The following ACLY variants were observed in gnomAD, a reference collection of about 807,000 sequenced individuals.
The protein encoded by ACLY is ATP-citrate synthase.
In ACLY, 41 loss-of-function variants were observed where a neutral mutation model predicts 133.0. That is an observed-to-expected ratio of 0.31 (90% CI 0.24 to 0.40). The LOEUF is 0.40. Ranked by LOEUF, ACLY falls within the 10% of genes least tolerant of loss-of-function variation. The pLI is 1.00. For synonymous variants in ACLY, 495 were observed against 549.3 expected (o/e 0.90, Z 1.38); for missense variants, 1,046 against 1,453.8 (o/e 0.72, Z 4.56).
chr17:41,924,054 C>T (rs1229216554), intron 1 of ACLY, among the ~76,000 whole-genome samples: 4 of 152,332 alleles, frequency 2.6e-5, no homozygotes, highest in African/African-American at 9.6e-5. Flanking sequence ...CATGATCCGC[C>T]TGCCTCGGCA....
intron 20 of ACLY, among the ~76,000 whole-genome samples, chr17:41,880,685 A>AC (rs1555627151): frequency 2.0e-5 from 3 of 151,868 alleles, no homozygotes; most frequent in African/African-American, 7.3e-5. Flanking sequence ...TAACGGTGAA[A>AC]CCCCATCTCT....
At chr17:41,909,149 T>G in intron 5 of ACLY, 81 bp from the exon 6 acceptor site, 4 of 1,060,534 alleles carry the variant, frequency 3.8e-6, no homozygotes, top group Non-Finnish European at 5.8e-6. Context: ...CAGCAATCTC[T>G]CACTGCCACC....
At chr17:41,912,369 A>G (rs782555316) in intron 3 of ACLY, 51 bp downstream of exon 3, 3 of 1,598,630 alleles carry the variant, frequency 1.9e-6, no homozygotes, top group Admixed American at 3.4e-5. Flanking sequence ...GGAGGTGACC[A>G]TATTTGCTTC....
At chr17:41,903,701 A>G (rs529446498) in intron 10 of ACLY, among the ~76,000 whole-genome samples, 2 of 137,378 alleles carry the variant, frequency 1.5e-5, no homozygotes, top group East Asian at 4.7e-4. Context: ...GGTTGCAGTG[A>G]GCCGAGATTG....
intron 1 of ACLY, among the ~76,000 whole-genome samples, chr17:41,928,548 GA>G (rs781920464): frequency 5.7e-4 from 80 of 140,576 alleles, no homozygotes; most frequent in Admixed American, 6.4e-4. Context: ...GTTAATTACT[GA>G]AAAAAAAAAA....
rs1555627663 is a variant in ACLY, at chr17:41,883,206, A to T, written c.2181T>A (p.Ile727=). ...GEIGGTEEYK[I]CRGIKEGRLT... ...GGCGGCCCTCCTTGATGCCCCGGCA[A>T]ATCTTATATTCCTCAGTGCCCCCAA... Residue 727 remains isoleucine, a synonymous_variant, in exon 20 of 29, where the codon ATT becomes ATA. Transcript: ENST00000352035. 6.2e-7 allele frequency: 1 copy of T among 1,614,002 alleles called. No homozygotes were observed. The highest frequency in any genetic ancestry group is 8.5e-7 in the Non-Finnish European group (1 of 1,180,028).
intron 23 of ACLY, among the ~76,000 whole-genome samples, chr17:41,872,660 C>T (rs1230264674): frequency 2.0e-5 from 3 of 152,158 alleles, no homozygotes; most frequent in Non-Finnish European, 2.9e-5. Context: ...GAGTTTGAAA[C>T]CAGAGTTTTG....
At chr17:41,907,653 C>G in intron 6 of ACLY, 81 bp from the exon 7 acceptor site, 20 of 1,529,214 alleles carry the variant, frequency 1.3e-5, no homozygotes, top group Non-Finnish European at 1.8e-5. Flanking sequence ...CCACAAACAC[C>G]GATCCCATGG....
At chr17:41,884,331 G>T in intron 18 of ACLY, 57 bp from the exon 19 acceptor site, 1 of 1,193,086 alleles carries the variant, frequency 8.4e-7, no homozygotes, top group Non-Finnish European at 1.3e-6. Flanking sequence ...GGGGAAGTGT[G>T]TACAGGGTTA....
rs947361577 is a variant in ACLY at position 41,892,957 on chromosome 17, G to A, written c.1601+76C>T. 1.9e-6 allele frequency: 3 copies of A among 1,547,526 alleles called. No homozygotes were observed. In the Admixed American group the frequency reaches 5.3e-5, roughly 27 times the overall value. ...ACCTCCCAAAGCGCTAGGATTACAG[G>A]CATGAGCCACTGTGCCCAGCCCCAA... On this transcript the variant is annotated intron_variant, in intron 15 of 28. Transcript: ENST00000352035.
intron 10 of ACLY, among the ~76,000 whole-genome samples, chr17:41,904,147 AGGAGGGAGGAAGAGAGGGGAG>A (rs1444282482): frequency 3.8e-5 from 5 of 132,330 alleles, no homozygotes; most frequent in African/African-American, 1.1e-4. Context: ...GAAGGAGGAA[AGGAGGGAGGAAGAGAGGGGAG>A]GGAGGGAGGA....
intron 16 of ACLY, among the ~76,000 whole-genome samples, chr17:41,890,837 C>CA (rs34510712): frequency 0.63 from 45,922 of 73,326 alleles, 16,635 homozygotes; most frequent in Middle Eastern, 0.77. Flanking sequence ...CCCATCTGTA[C>CA]AAAAAAAAAA....
chr17:41,885,017 A>G (rs1338121518), intron 18 of ACLY, among the ~76,000 whole-genome samples: 2 of 152,048 alleles, frequency 1.3e-5, no homozygotes, highest in Non-Finnish European at 2.9e-5. Flanking sequence ...CTACTGGCAC[A>G]TGCCACCACA....
chr17:41,887,141 A>G (rs145554629), intron 17 of ACLY, among the ~76,000 whole-genome samples: 19 of 17,640 alleles, frequency 1.1e-3, no homozygotes, highest in Non-Finnish European at 2.3e-3. Context: ...AAAAAAAAAA[A>G]AAAAAAAAAA....
chr17:41,868,743 G>A lies in ACLY; in HGVS notation c.3177C>T (p.Gly1059=). ...CCATACTCCTTCCCAGCACAAAGATGCCATTGAGGGCTCCAATGTCAATAT... is the reference window on the plus strand; with the variant it reads ...CCATACTCCTTCCCAGCACAAAGATACCATTGAGGGCTCCAATGTCAATAT... ...DEYIDIGALN[G]IFVLGRSMGF... The change falls in exon 28 of 29, where the codon GGC becomes GGT. Residue 1059 remains glycine, a synonymous_variant. Coordinates refer to ENST00000352035, the MANE Select transcript of ACLY (RefSeq NM_001096.3). 6.2e-7 allele frequency: 1 copy of A among 1,613,520 alleles called. No homozygotes were observed. The highest frequency in any genetic ancestry group is 8.5e-7 in the Non-Finnish European group (1 of 1,179,978).
intron 22 of ACLY, 85 bp from the exon 23 acceptor site, chr17:41,874,050 G>A: frequency 2.3e-6 from 3 of 1,326,730 alleles, no homozygotes; most frequent in Non-Finnish European, 3.0e-6. Flanking sequence ...TGTACTCTCA[G>A]AACCAAAGCA....
At chr17:41,907,278 C>G (rs2049747240) in intron 7 of ACLY, among the ~76,000 whole-genome samples, 164 bp downstream of exon 7, 1 of 150,908 alleles carries the variant, frequency 6.6e-6, no homozygotes, top group Admixed American at 6.6e-5. Flanking sequence ...TTGGCTCACT[C>G]CCACCCCCAC....
intron 3 of ACLY, among the ~76,000 whole-genome samples, chr17:41,912,056 G>A (rs894743452): frequency 7.9e-5 from 12 of 151,396 alleles, no homozygotes; most frequent in African/African-American, 2.9e-4. Context: ...GGAGGTTGCA[G>A]TGAGCCAAGA....
chr17:41,867,751 C>T lies in ACLY; in HGVS notation c.*59G>A. On this transcript the variant is annotated 3_prime_UTR_variant, in exon 29 of 29. Coordinates refer to ENST00000352035, the MANE Select transcript of ACLY (RefSeq NM_001096.3). ...GGCTCCACTGCCAGCTGTCTGTACACTTTTTCTTGGGGGAAGAGATCTTGT... is the reference window on the plus strand; with the variant it reads ...GGCTCCACTGCCAGCTGTCTGTACATTTTTTCTTGGGGGAAGAGATCTTGT... 1.4e-6 allele frequency: 2 copies of T among 1,426,644 alleles called. No homozygotes were observed. The highest frequency in any genetic ancestry group is 2.4e-5 in the East Asian group (1 of 41,488). 88.4% of individuals were successfully genotyped at this position (1,426,644 alleles called of 1,614,324 possible).
Sources: gnomAD v4.1 joint callset for allele counts (sites outside exome capture counted in the v4.1 genomes callset) on GRCh38, gnomAD v4.1.1 for gene constraint, MANE v1.5 for transcripts, NCBI Gene and HGNC (gene_info 2026-07-23, HGNC 2026-07-21) for gene names.